Variants in SSUH2 observed in about 807,000 individuals in gnomAD.
SSUH2 encodes protein SSUH2 homolog.
In SSUH2, 47 loss-of-function variants were observed where a neutral mutation model predicts 55.3. The observed-to-expected ratio is 0.85, with a 90% CI of 0.67 to 1.08. The LOEUF (loss-of-function observed/expected upper bound fraction) is 1.08. SSUH2 is among the 50% of genes least tolerant of loss of function. The pLI is 0.00. For missense variants in SSUH2, 535 were observed against 490.7 expected, an observed-to-expected ratio of 1.09 and a Z score of -0.85; for synonymous variants, 212 against 191.5, an observed-to-expected ratio of 1.11 and a Z score of -0.89.
chr3:8,673,597 T>G (rs1272580240), intron 3 of SSUH2, among the ~76,000 whole-genome samples: 1 of 152,108 alleles, frequency 6.6e-6, no homozygotes, highest in Non-Finnish European at 1.5e-5. Context: ...CACACCTGGG[T>G]TGATTGCCAT....
chr3:8,681,503 G>T (rs1270818683), intron 1 of SSUH2, among the ~76,000 whole-genome samples: 1 of 148,140 alleles, frequency 6.8e-6, no homozygotes, highest in East Asian at 2.1e-4. Context: ...CACGAGGCGG[G>T]GACTGAGAGC....
chr3:8,633,229 C>A (rs374872642), intron 4 of SSUH2, among the ~76,000 whole-genome samples: 2 of 151,358 alleles, frequency 1.3e-5, no homozygotes, highest in African/African-American at 4.9e-5. Context: ...CCACAACCTC[C>A]GCCTCCCAGT....
chr3:8,663,342 T>C (rs1225152330), intron 6 of SSUH2, among the ~76,000 whole-genome samples: 2 of 152,168 alleles, frequency 1.3e-5, no homozygotes, highest in Non-Finnish European at 2.9e-5. Flanking sequence ...ACCTACCCCC[T>C]CCTGTCTGAC....
At chr3:8,627,812 G>T in intron 7 of SSUH2, 29 bp from the exon 8 acceptor site, 1 of 1,585,952 alleles carries the variant, frequency 6.3e-7, no homozygotes, top group Non-Finnish European at 8.6e-7. Context: ...CTCAGCCCCC[G>T]CTGGCCTCCC....
intron 1 of SSUH2, among the ~76,000 whole-genome samples, chr3:8,642,507 G>A (rs6782117): frequency 6.6e-6 from 1 of 152,120 alleles, no homozygotes; most frequent in Non-Finnish European, 1.5e-5. Context: ...ACTGGAAGTG[G>A]TCCAGCCAAA....
At chr3:8,627,582 T>C (rs1203908981) in intron 8 of SSUH2, 116 bp downstream of exon 8, 1 of 798,898 alleles carries the variant, frequency 1.3e-6, no homozygotes, top group Non-Finnish European at 1.9e-6. Flanking sequence ...CGTGCAGAGC[T>C]CTGGGGACAC....
chr3:8,627,087 T>G (rs993616709), intron 8 of SSUH2: 1 of 152,246 alleles, frequency 6.6e-6, no homozygotes, highest in African/African-American at 2.4e-5. Flanking sequence ...TGGCCTGGGC[T>G]TTAATGAGGC....
chr3:8,654,526 T>C (rs1702737175), intron 7 of SSUH2, among the ~76,000 whole-genome samples: 4 of 152,378 alleles, frequency 2.6e-5, no homozygotes, highest in African/African-American at 4.8e-5. Context: ...TGCTGTGGTT[T>C]AAAGATAGCC....
At chr3:8,639,726 A>C (rs898148091) in intron 1 of SSUH2, among the ~76,000 whole-genome samples, 1 of 152,314 alleles carries the variant, frequency 6.6e-6, no homozygotes, top group South Asian at 2.1e-4. Flanking sequence ...CTTTGTCCCT[A>C]ATTCCACATT....
chr3:8,678,514 G>A (rs1415738309), intron 2 of SSUH2, among the ~76,000 whole-genome samples: 11 of 135,450 alleles, frequency 8.1e-5, no homozygotes, highest in Non-Finnish European at 1.2e-4. Context: ...CCCGCGAGGC[G>A]GGGACTGAGA....
At chr3:8,623,336 C>T (rs977038791) in intron 11 of SSUH2, 6 of 525,426 alleles carry the variant, frequency 1.1e-5, no homozygotes, top group South Asian at 2.6e-5. Context: ...GCAAACTTCT[C>T]CTGCGACCCA....
At chr3:8,627,542 A>G in intron 8 of SSUH2, 156 bp downstream of exon 8, 1 of 476,080 alleles carries the variant, frequency 2.1e-6, no homozygotes, top group Non-Finnish European at 3.6e-6. Flanking sequence ...AAGCTCACCT[A>G]CTCTTCAAAT....
At chr3:8,622,579 T>A (rs1283074637) in intron 11 of SSUH2, among the ~76,000 whole-genome samples, 1 of 152,200 alleles carries the variant, frequency 6.6e-6, no homozygotes, top group South Asian at 2.1e-4. Flanking sequence ...TCTGTCACCC[T>A]CCTTACTGCC....
At chr3:8,625,784 G>C (rs1050070074) in intron 9 of SSUH2, 137 bp from the exon 10 acceptor site, 13 of 618,114 alleles carry the variant, frequency 2.1e-5, no homozygotes, top group Non-Finnish European at 3.5e-5. Flanking sequence ...TAGCCTCTCT[G>C]AGCCTCAGTC....
rs73812736 is a variant in SSUH2, at chr3:8,630,457, A to C, written c.525+348T>G. 5.4e-3 allele frequency among the ~76,000 whole-genome samples: 818 copies of C among 152,304 alleles called. 7 individuals carry two copies. The highest frequency in any genetic ancestry group is 0.019 in the African/African-American group (774 of 41,554). Reference sequence around the variant, plus strand: ...GGGTTTTAAGTTTTTATTTTATATCAATTTCATTCAGCCCTTCAGCTGTTT... The same window carrying C: ...GGGTTTTAAGTTTTTATTTTATATCCATTTCATTCAGCCCTTCAGCTGTTT... On this transcript the variant is annotated intron_variant, in intron 6 of 11. Transcript: ENST00000544814.
Position 8,676,124 on chromosome 3 carries a change from C to T in SSUH2, c.-753+1082G>A, listed in dbSNP as rs530103161. ...TTCCCCGCCTGGCTCTTAGGATCCA[C>T]GGTGGACTCACAGCCTGTTTACCAT... On this transcript the variant is annotated intron_variant, in intron 3 of 18. Coordinates refer to the SSUH2 transcript ENST00000317371. Among the ~76,000 whole-genome samples the T allele has an allele frequency of 9.2e-5, 14 of 152,034 alleles. No homozygotes were observed. In the South Asian group the frequency reaches 1.0e-3, roughly 11 times the overall value.
At chr3:8,672,992 G>C (rs1704774475) in intron 3 of SSUH2, among the ~76,000 whole-genome samples, 1 of 151,958 alleles carries the variant, frequency 6.6e-6, no homozygotes, top group South Asian at 2.1e-4. Context: ...CACCCACTGA[G>C]GTATTAGGCA....
chr3:8,640,963 C>G (rs927850087), intron 1 of SSUH2, among the ~76,000 whole-genome samples: 1 of 152,220 alleles, frequency 6.6e-6, no homozygotes, highest in African/African-American at 2.4e-5. Context: ...CATGCCAAGA[C>G]AGGGCCACAC....
intron 1 of SSUH2, among the ~76,000 whole-genome samples, chr3:8,636,185 C>T (rs1699894870): frequency 3.9e-5 from 6 of 152,160 alleles, no homozygotes. Context: ...TTCATGGAAA[C>T]TGGGAAGATA....
Sources: gnomAD v4.1 joint callset for allele counts (sites outside exome capture counted in the v4.1 genomes callset) on GRCh38, gnomAD v4.1.1 for gene constraint, MANE v1.5 for transcripts, NCBI Gene and HGNC (gene_info 2026-07-23, HGNC 2026-07-21) for gene names.